The following WDR19 variants were observed in gnomAD, a reference collection of about 807,000 sequenced individuals.
The protein encoded by WDR19 is WD repeat-containing protein 19.
A neutral mutation model predicts 180.0 loss-of-function variants in WDR19; 121 were observed. The ratio of observed to expected loss-of-function variants is 0.67; its 90% CI spans 0.58 to 0.78. The LOEUF (loss-of-function observed/expected upper bound fraction) is 0.78, where lower values mean the gene tolerates loss of function less well. Ranked by LOEUF, WDR19 falls within the 30% of genes least tolerant of loss-of-function variation. The pLI is 0.00. For missense variants in WDR19, 1,450 were observed against 1,640.7 expected (o/e 0.88, Z 2.01); for synonymous variants, 497 against 540.7 (o/e 0.92, Z 1.12).
chr4:39,203,529 G>T, intron 6 of WDR19, 113 bp from the exon 7 acceptor site: 1 of 805,230 alleles, frequency 1.2e-6, no homozygotes, highest in South Asian at 1.7e-5. Flanking sequence ...AGGATTTTCA[G>T]GTTCTTAGTC....
At position 39,244,434 on chromosome 4, in the gene WDR19, A is replaced by G. The variant is rs1732291703; in HGVS notation, c.2563-36A>G. 4 of 1,613,808 alleles carry G rather than the reference A, an allele frequency of 2.5e-6. No individual in the cohort carries two copies. The East Asian group carries it at 8.9e-5, about 36-fold the overall frequency. Reference sequence around the variant, plus strand: ...ATATACATGTGGTCTTTTATACATAATAACTTAGTATTTTAATAATCCTGT... The same window carrying G: ...ATATACATGTGGTCTTTTATACATAGTAACTTAGTATTTTAATAATCCTGT... On this transcript the variant is annotated intron_variant, in intron 22 of 36. Coordinates refer to ENST00000399820, the MANE Select transcript of WDR19 (RefSeq NM_025132.4).
At chr4:39,214,223 C>T (rs753108893) in intron 9 of WDR19, among the ~76,000 whole-genome samples, 3 of 152,152 alleles carry the variant, frequency 2.0e-5, no homozygotes, top group Non-Finnish European at 4.4e-5. Flanking sequence ...AAAGGGAACA[C>T]ATTGTAAAGA....
chr4:39,205,105 A>C (rs1727809179), intron 7 of WDR19, 49 bp from the exon 8 acceptor site: 1 of 1,349,508 alleles, frequency 7.4e-7, no homozygotes, highest in South Asian at 1.4e-5. Context: ...TGGTCTTTTC[A>C]TGAAGTACTA....
At chr4:39,245,619 C>T (rs1732441189) in intron 24 of WDR19, among the ~76,000 whole-genome samples, 167 bp downstream of exon 24, 1 of 152,166 alleles carries the variant, frequency 6.6e-6, no homozygotes, top group Non-Finnish European at 1.5e-5. Context: ...TCCTCCTGTA[C>T]CTCATATACT....
At chr4:39,186,766 A>G (rs1193531084) in intron 3 of WDR19, among the ~76,000 whole-genome samples, 162 bp downstream of exon 3, 3 of 152,208 alleles carry the variant, frequency 2.0e-5, no homozygotes, top group Non-Finnish European at 4.4e-5. Context: ...ATGTAGAGAT[A>G]TAGCATGAAT....
At chr4:39,258,580 T>C (rs1010141558) in intron 28 of WDR19, among the ~76,000 whole-genome samples, 1 of 152,210 alleles carries the variant, frequency 6.6e-6, no homozygotes, top group Non-Finnish European at 1.5e-5. Context: ...GGAATAAAGC[T>C]GCACTAAAGC....
At chr4:39,254,700 A>G (rs1733580144) in intron 26 of WDR19, among the ~76,000 whole-genome samples, 1 of 152,124 alleles carries the variant, frequency 6.6e-6, no homozygotes, top group African/African-American at 2.4e-5. Flanking sequence ...TCACGTTGTT[A>G]TGCGGCCATC....
Position 39,189,586 on chromosome 4 carries a change from G to A in WDR19, c.165-70G>A, listed in dbSNP as rs1725931759. The A allele has an allele frequency of 5.1e-6, 7 of 1,360,668 alleles. 1 individual carries two copies. The South Asian group carries it at 1.1e-4, about 22-fold the overall frequency. The allele number at this position is 1,360,668 out of a possible 1,614,324, so 84.3% of individuals were successfully genotyped here. Reference sequence around the variant, plus strand: ...AAATAGATTGAATAATCTTGTTATAGACAAAAATCACAAATAGTAATTTTA... The same window carrying A: ...AAATAGATTGAATAATCTTGTTATAAACAAAAATCACAAATAGTAATTTTA... On this transcript the variant is annotated intron_variant, in intron 3 of 36. Transcript: ENST00000399820.
chr4:39,253,440 G>A (rs561300388), intron 25 of WDR19, 148 bp downstream of exon 25: 76 of 913,420 alleles, frequency 8.3e-5, no homozygotes, highest in Admixed American at 6.3e-4. Context: ...AAAGGCTGTC[G>A]TGGTCAGCAG....
chr4:39,266,704 C>CA (rs1358084850), intron 29 of WDR19, among the ~76,000 whole-genome samples: 1 of 152,220 alleles, frequency 6.6e-6, no homozygotes, highest in Admixed American at 6.5e-5. Context: ...CTCTAAAACT[C>CA]AGAGGGTGCT....
At chr4:39,231,735 GA>G in intron 17 of WDR19, 61 bp from the exon 18 acceptor site, 1 of 1,447,110 alleles carries the variant, frequency 6.9e-7, no homozygotes, top group Non-Finnish European at 9.2e-7. Flanking sequence ...CATGTAGTCT[GA>G]AAATTGCCTA....
Position 39,217,191 on chromosome 4 carries a change from A to AC in WDR19, c.1307_1308insC (p.Ser437PhefsTer2). 17 of 1,608,896 alleles carry AC rather than the reference A, an allele frequency of 1.1e-5. No homozygotes were observed. Among genetic ancestry groups the AC allele is most frequent in the Non-Finnish European group, 1.4e-5 (17 of 1,177,676 alleles). On this transcript the variant is annotated frameshift_variant, in exon 13 of 37. Transcript: ENST00000399820. LOFTEE classifies it high-confidence loss of function. The stretch of plus-strand genomic sequence containing the variant: ...GGAACAGTAGCCAGTATTTGCCTTC[A>AC]TTCTGACTATGCTGCTGCACTTTTT...
At chr4:39,217,322 G>A in intron 13 of WDR19, 82 bp downstream of exon 13, 1 of 1,183,968 alleles carries the variant, frequency 8.4e-7, no homozygotes, top group Non-Finnish European at 1.2e-6. Flanking sequence ...TATTGGTCAG[G>A]AAGCAAGGAT....
intron 1 of WDR19, among the ~76,000 whole-genome samples, chr4:39,185,438 A>G (rs1725412902): frequency 6.6e-6 from 1 of 152,212 alleles, no homozygotes. Flanking sequence ...AAAATTACAT[A>G]TTTTTGTAAA....
intron 10 of WDR19, among the ~76,000 whole-genome samples, chr4:39,214,975 G>A (rs1393842650): frequency 6.6e-6 from 1 of 152,126 alleles, no homozygotes; most frequent in African/African-American, 2.4e-5. Flanking sequence ...GTTTCACCAT[G>A]TTGGCCAGGC....
At chr4:39,278,470 A>G in intron 35 of WDR19, 69 bp from the exon 36 acceptor site, 3 of 1,299,368 alleles carry the variant, frequency 2.3e-6, no homozygotes, top group African/African-American at 1.5e-5. Context: ...TGTCTTTCTC[A>G]TTAGAGTAAC....
chr4:39,253,935 C>T lies in WDR19; in HGVS notation c.2906C>T (p.Ser969Phe). 1 of 1,609,162 alleles carries T rather than the reference C, an allele frequency of 6.2e-7. No individual in the cohort carries two copies. The highest frequency in any genetic ancestry group is 8.5e-7 in the Non-Finnish European group (1 of 1,176,742). The change falls in exon 26 of 37, where the codon TCT becomes TTT. Residue 969 changes from serine to phenylalanine, a missense_variant. Coordinates refer to ENST00000399820, the MANE Select transcript of WDR19 (RefSeq NM_025132.4). ...TTTCTACAGCTTGGTGACTATGGGTCTGCCATCCAGTTTCTTGTCATGTCC... is the reference window on the plus strand; with the variant it reads ...TTTCTACAGCTTGGTGACTATGGGTTTGCCATCCAGTTTCTTGTCATGTCC... ...RFFLQLGDYGSAIQFLVMSKC... is the reference protein window; with the variant it reads ...RFFLQLGDYGFAIQFLVMSKC...
At chr4:39,267,469 G>A (rs1432960163) in intron 29 of WDR19, among the ~76,000 whole-genome samples, 4 of 152,186 alleles carry the variant, frequency 2.6e-5, no homozygotes, top group South Asian at 4.1e-4. Context: ...GAAAACCAGC[G>A]TCAGATGCTC....
At chr4:39,241,364 G>C (rs1294515161) in intron 21 of WDR19, among the ~76,000 whole-genome samples, 1 of 151,900 alleles carries the variant, frequency 6.6e-6, no homozygotes, top group African/African-American at 2.4e-5. Flanking sequence ...GTGATGACGG[G>C]TGCCTATAAT....
Sources: gnomAD v4.1 joint callset for allele counts (sites outside exome capture counted in the v4.1 genomes callset) on GRCh38, gnomAD v4.1.1 for gene constraint, MANE v1.5 for transcripts, NCBI Gene and HGNC (gene_info 2026-07-23, HGNC 2026-07-21) for gene names.